MAP2K4: variants seen among roughly 807,000 people sequenced by gnomAD.
The protein encoded by MAP2K4 is dual specificity mitogen-activated protein kinase kinase 4.
MAP2K4 carries 4 observed loss-of-function variants against 48.5 expected under a neutral mutation model. The observed-to-expected ratio is 0.08, with a 90% CI of 0.04 to 0.19. MAP2K4 has a LOEUF of 0.19. Among genes scored for constraint, MAP2K4 ranks in the 10% least tolerant of loss-of-function variants. The pLI, the probability that MAP2K4 is intolerant of heterozygous loss-of-function variation, is 1.00. For synonymous variants in MAP2K4, 166 were observed against 173.1 expected (o/e 0.96, Z 0.32); for missense variants, 258 against 493.3 (o/e 0.52, Z 4.52).
chr17:12,083,467 G>A (rs938039553), intron 3 of MAP2K4, among the ~76,000 whole-genome samples: 1 of 152,172 alleles, frequency 6.6e-6, no homozygotes, highest in African/African-American at 2.4e-5. Context: ...ACTGGTTGCT[G>A]TCACATGTAT....
intron 3 of MAP2K4, among the ~76,000 whole-genome samples, chr17:12,092,016 G>A (rs1017149410): frequency 6.6e-5 from 10 of 152,036 alleles, no homozygotes; most frequent in Non-Finnish European, 1.3e-4. Flanking sequence ...GTAAAGTAGT[G>A]TTAAGTAAAA....
rs931106197 is a variant in MAP2K4, at chr17:12,034,295, C to T, written c.115+13294C>T. Among the ~76,000 whole-genome samples, 21 of 152,242 alleles carry T rather than the reference C, an allele frequency of 1.4e-4. No homozygotes were observed. In the East Asian group the frequency reaches 2.7e-3, roughly 20 times the overall value. ...TTATAGAAATGATAGGTTTGCAGTGCGGCCTGCTTTGATACATATGGAAGA... is the reference window on the plus strand; with the variant it reads ...TTATAGAAATGATAGGTTTGCAGTGTGGCCTGCTTTGATACATATGGAAGA... On this transcript the variant is annotated intron_variant, in intron 1 of 10. Transcript: ENST00000353533.
At chr17:12,088,549 T>C (rs1427721061) in intron 3 of MAP2K4, among the ~76,000 whole-genome samples, 2 of 71,822 alleles carry the variant, frequency 2.8e-5, no homozygotes, top group Non-Finnish European at 6.3e-5. Context: ...AAATTATATC[T>C]AATATATAAT....
chr17:12,034,726 A>G (rs1266366142), intron 1 of MAP2K4, among the ~76,000 whole-genome samples: 2 of 152,182 alleles, frequency 1.3e-5, no homozygotes, highest in Non-Finnish European at 2.9e-5. Flanking sequence ...TTGATTTTTA[A>G]CTGGAACCAG....
intron 7 of MAP2K4, among the ~76,000 whole-genome samples, chr17:12,118,654 A>C (rs1253579659): frequency 6.6e-6 from 1 of 152,246 alleles, no homozygotes; most frequent in East Asian, 1.9e-4. Context: ...TAATTCAGCC[A>C]TGTGACCAGG....
chr17:12,127,177 A>G (rs1972880857), intron 8 of MAP2K4, among the ~76,000 whole-genome samples: 1 of 152,202 alleles, frequency 6.6e-6, no homozygotes, highest in Non-Finnish European at 1.5e-5. Context: ...ACCTCTGCAG[A>G]GGACTTTGAT....
At chr17:12,075,253 A>G (rs985174662) in intron 2 of MAP2K4, among the ~76,000 whole-genome samples, 8 of 152,312 alleles carry the variant, frequency 5.3e-5, no homozygotes, top group African/African-American at 1.7e-4. Context: ...AGATTATAGA[A>G]AGGGGGCAGA....
At chr17:12,069,675 C>T in intron 2 of MAP2K4, 1 of 1,005,218 alleles carries the variant, frequency 9.9e-7, no homozygotes, top group Non-Finnish European at 1.2e-6. Flanking sequence ...AGCAAAGATA[C>T]TCATTTGTTG....
chr17:12,073,884 C>T lies in MAP2K4; in HGVS notation c.219-7472C>T, dbSNP rs916242082. Among the ~76,000 whole-genome samples the T allele has an allele frequency of 8.6e-5, 13 of 151,174 alleles. No homozygotes were observed. The East Asian group carries it at 2.2e-3, about 25-fold the overall frequency. ...TGCCTCCCGGGTTGAAGAGATTCTA[C>T]TGCCTCAGCCTCCCAAGTAGCTGGG... On this transcript the variant is annotated intron_variant, in intron 2 of 10. Transcript: ENST00000353533.
Position 12,095,707 on chromosome 17 carries a change from T to G in MAP2K4, c.513+13T>G. ...ACTCTTCAGAGAGGTAGGAATAAAC[T>G]GGGTTTTAGCTGACTAATGAATATC... On this transcript the variant is annotated intron_variant, in intron 4 of 10. Transcript: ENST00000353533. The G allele has an allele frequency of 6.2e-7, 1 of 1,612,398 alleles. No individual in the cohort carries two copies.
chr17:12,141,363 A>G lies in MAP2K4; in HGVS notation c.*103A>G. ...TGTTTTTATTGCTCGCCCAGACACC[A>G]TGTGCAATAAGATTGGTGTTCGTTT... is the stretch of plus-strand genomic sequence containing the variant. On this transcript the variant is annotated 3_prime_UTR_variant, in exon 11 of 11. Transcript: ENST00000353533. 3 of 808,992 alleles carry G rather than the reference A, an allele frequency of 3.7e-6. No individual in the cohort carries two copies. The highest frequency in any genetic ancestry group is 6.4e-6 in the Non-Finnish European group (3 of 465,120). 50.1% of individuals were successfully genotyped at this position (808,992 alleles called of 1,614,324 possible). A position where few individuals can be genotyped will look rare whatever the true frequency, so the allele number is the denominator to read the frequency against.
chr17:12,034,700 C>T (rs935209806), intron 1 of MAP2K4, among the ~76,000 whole-genome samples: 6 of 152,178 alleles, frequency 3.9e-5, no homozygotes, highest in African/African-American at 1.4e-4. Context: ...GTTCAACCAC[C>T]GATGTTACAT....
At chr17:12,033,354 G>A (rs1969498627) in intron 1 of MAP2K4, among the ~76,000 whole-genome samples, 1 of 152,032 alleles carries the variant, frequency 6.6e-6, no homozygotes, top group African/African-American at 2.4e-5. Flanking sequence ...AATTAACCTG[G>A]AAAAAACATT....
chr17:12,083,836 A>C (rs1341524866), intron 3 of MAP2K4, among the ~76,000 whole-genome samples: 1 of 152,196 alleles, frequency 6.6e-6, no homozygotes, highest in Non-Finnish European at 1.5e-5. Flanking sequence ...ATGTATGATT[A>C]AGGAGGTGTT....
intron 2 of MAP2K4, among the ~76,000 whole-genome samples, chr17:12,058,573 C>A (rs1970356069): frequency 6.6e-6 from 1 of 152,006 alleles, no homozygotes; most frequent in African/African-American, 2.4e-5. Context: ...GCATACCTAC[C>A]CAAAAGTAAA....
intron 2 of MAP2K4, among the ~76,000 whole-genome samples, chr17:12,074,986 C>T (rs941628939): frequency 4.6e-5 from 7 of 152,126 alleles, no homozygotes; most frequent in African/African-American, 1.7e-4. Flanking sequence ...AAGTCTGTCT[C>T]CTGATACTTC....
At chr17:12,070,832 G>T (rs1196014991) in intron 2 of MAP2K4, among the ~76,000 whole-genome samples, 9 of 152,228 alleles carry the variant, frequency 5.9e-5, no homozygotes, top group Admixed American at 5.9e-4. Flanking sequence ...TGTGACTCAT[G>T]ATTTAGATGG....
chr17:12,123,000 CCT>C (rs1972738991), intron 7 of MAP2K4, among the ~76,000 whole-genome samples: 1 of 152,068 alleles, frequency 6.6e-6, no homozygotes, highest in Non-Finnish European at 1.5e-5. Flanking sequence ...TGATACATTA[CCT>C]CTTTGTATGT....
At chr17:12,021,734 G>GA (rs896882494) in intron 1 of MAP2K4, among the ~76,000 whole-genome samples, 54,129 of 100,102 alleles carry the variant, frequency 0.54, 12,885 homozygotes, top group Middle Eastern at 0.65. Flanking sequence ...CGTGCAGGAA[G>GA]AAAAAAAAAA....
Sources: allele counts gnomAD v4.1 joint callset (sites outside exome capture counted in the v4.1 genomes callset), GRCh38; gene constraint gnomAD v4.1.1; transcripts MANE v1.5; gene names NCBI Gene and HGNC (gene_info 2026-07-23, HGNC 2026-07-21).